The following MRAS variants were observed in gnomAD, a reference collection of about 807,000 sequenced individuals.
The protein encoded by MRAS is ras-related protein M-Ras.
In MRAS, 4 loss-of-function variants were observed where a neutral mutation model predicts 20.9. That is an observed-to-expected ratio of 0.19 (90% CI 0.09 to 0.44). MRAS has a LOEUF of 0.44. Among genes scored for constraint, MRAS ranks in the 20% least tolerant of loss-of-function variants. MRAS has a pLI of 0.99. For synonymous variants in MRAS, 98 were observed against 102.9 expected, an observed-to-expected ratio of 0.95 and a Z score of 0.29; for missense variants, 154 against 277.5, an observed-to-expected ratio of 0.56 and a Z score of 3.16.
intron 1 of MRAS, among the ~76,000 whole-genome samples, chr3:138,356,491 A>G (rs1560161154): frequency 6.6e-6 from 1 of 152,100 alleles, no homozygotes; most frequent in Non-Finnish European, 1.5e-5. Flanking sequence ...TAGATAACCC[A>G]CAAATTCATT....
rs2054161456 is a variant in MRAS at position 138,348,591 on chromosome 3, G to A, written c.-195G>A. On this transcript the variant is annotated 5_prime_UTR_variant, in exon 1 of 6. Transcript: ENST00000423968. ...GCGCTAGGCGCTCGGGGCGCACGCT[G>A]GCGGCGCGGTCGCTTTAAGGAGGCG... The A allele has an allele frequency of 1.3e-5, 2 of 151,880 alleles. No homozygotes were observed. Among genetic ancestry groups the A allele is most frequent in the Non-Finnish European group, 2.9e-5 (2 of 67,984 alleles). 9.4% of individuals were successfully genotyped at this position (151,880 alleles called of 1,614,324 possible).
chr3:138,398,676 G>C, intron 4 of MRAS, 108 bp downstream of exon 4: 1 of 935,058 alleles, frequency 1.1e-6, no homozygotes, highest in Non-Finnish European at 1.7e-6. Context: ...TTATTGAAGG[G>C]CTCCCCTTAG....
At position 138,397,553 on chromosome 3, in the gene MRAS, T is replaced by TC; in HGVS notation, c.347+76_347+77insC. 5 of 1,443,714 alleles carry TC rather than the reference T, an allele frequency of 3.5e-6. No homozygotes were observed. The African/African-American group carries it at 5.6e-5, about 16-fold the overall frequency. 89.4% of individuals were successfully genotyped at this position (1,443,714 alleles called of 1,614,324 possible). A position where few individuals can be genotyped will look rare whatever the true frequency, so the allele number is the denominator to read the frequency against. ...CCTAGGGCGCTCTCTCTCTCTCTCT[T>TC]TCTCTTTCTCTCTCTCTCACCCCTA... On this transcript the variant is annotated intron_variant, in intron 3 of 5. Transcript: ENST00000423968.
At chr3:138,398,761 A>G (rs184288012) in intron 4 of MRAS, among the ~76,000 whole-genome samples, 193 bp downstream of exon 4, 66 of 152,314 alleles carry the variant, frequency 4.3e-4, no homozygotes, top group African/African-American at 1.3e-3. Flanking sequence ...CGTCAATGGT[A>G]GAGACAGGTC....
Position 138,400,402 on chromosome 3 carries a change from T to C in MRAS, c.448-132T>C, listed in dbSNP as rs139169120. ...AAGCCCTAAATGATGCTTGAGGCTA[T>C]TGGGGGCTGGGGCTTCTGTGGGGGG... On this transcript the variant is annotated intron_variant, in intron 4 of 5. Transcript: ENST00000423968. The C allele has an allele frequency of 1.1e-4, 85 of 749,704 alleles. 1 individual carries two copies. The African/African-American group carries it at 1.3e-3, about 12-fold the overall frequency. The allele number at this position is 749,704 out of a possible 1,614,324, so 46.4% of individuals were successfully genotyped here. A position where few individuals can be genotyped will look rare whatever the true frequency, so the allele number is the denominator to read the frequency against.
chr3:138,395,435 C>T (rs1165411631), intron 2 of MRAS, among the ~76,000 whole-genome samples: 2 of 152,104 alleles, frequency 1.3e-5, no homozygotes, highest in Non-Finnish European at 2.9e-5. Context: ...CATCTGCCCC[C>T]ACCTCCTCTC....
chr3:138,394,259 A>G (rs997670061), intron 2 of MRAS, among the ~76,000 whole-genome samples: 2 of 152,136 alleles, frequency 1.3e-5, no homozygotes, highest in Non-Finnish European at 2.9e-5. Flanking sequence ...CAGAGCTGTA[A>G]GGACCTGCTG....
intron 2 of MRAS, among the ~76,000 whole-genome samples, chr3:138,379,086 C>G (rs1411884983): frequency 2.0e-5 from 3 of 152,108 alleles, no homozygotes; most frequent in Admixed American, 6.6e-5. Context: ...TTATTGTTAA[C>G]TATAATTTCC....
chr3:138,374,370 A>C, intron 2 of MRAS, among the ~76,000 whole-genome samples: 1 of 151,932 alleles, frequency 6.6e-6, no homozygotes, highest in East Asian at 1.9e-4. Flanking sequence ...TTTTTATTTC[A>C]ATTTTCAGTT....
intron 2 of MRAS, among the ~76,000 whole-genome samples, chr3:138,377,000 AT>A (rs1443814761): frequency 6.6e-6 from 1 of 152,160 alleles, no homozygotes; most frequent in African/African-American, 2.4e-5. Context: ...GTACCTTTGG[AT>A]GTTAAATTGG....
intron 2 of MRAS, among the ~76,000 whole-genome samples, chr3:138,396,565 C>T (rs971024090): frequency 2.6e-5 from 4 of 152,230 alleles, no homozygotes; most frequent in African/African-American, 4.8e-5. Flanking sequence ...CCCTGCCTAC[C>T]GAGCTTGTGG....
At chr3:138,358,704 T>C (rs755439200) in intron 1 of MRAS, among the ~76,000 whole-genome samples, 25 of 152,254 alleles carry the variant, frequency 1.6e-4, no homozygotes, top group Non-Finnish European at 3.7e-4. Flanking sequence ...ATGCATTACA[T>C]GTTTACGTCT....
At position 138,372,931 on chromosome 3, in the gene MRAS, G is replaced by A; in HGVS notation, c.48G>A (p.Leu16=). The A allele has an allele frequency of 1.3e-6, 2 of 1,555,238 alleles. No individual in the cohort carries two copies. Among genetic ancestry groups the A allele is most frequent in the Non-Finnish European group, 8.6e-7 (1 of 1,156,910 alleles). Residue 16 remains leucine, a synonymous_variant, in exon 2 of 6, where the codon CTG becomes CTA. Coordinates refer to ENST00000423968, the MANE Select transcript of MRAS (RefSeq NM_001085049.3). ...GTGACAACCTCCCCACATACAAGCTGGTGGTGGTGGGGGATGGGGGTGTGG... is the reference window on the plus strand; with the variant it reads ...GTGACAACCTCCCCACATACAAGCTAGTGGTGGTGGGGGATGGGGGTGTGG... ...VPSDNLPTYK[L]VVVGDGGVGK...
intron 2 of MRAS, among the ~76,000 whole-genome samples, chr3:138,384,466 G>A (rs2054969279): frequency 6.6e-6 from 1 of 152,204 alleles, no homozygotes; most frequent in Non-Finnish European, 1.5e-5. Context: ...GAGGTTATTA[G>A]AGAGGGAAGA....
chr3:138,392,388 GTTATTTAATGACAGGACATTGCT>G (rs1194266726), intron 2 of MRAS, among the ~76,000 whole-genome samples: 2 of 152,050 alleles, frequency 1.3e-5, no homozygotes, highest in Non-Finnish European at 2.9e-5. Context: ...TTTAAATTTT[GTTATTTAATGACAGGACATTGCT>G]TTTGGAGATA....
intron 1 of MRAS, among the ~76,000 whole-genome samples, chr3:138,353,940 G>A (rs1009482851): frequency 2.0e-5 from 3 of 152,344 alleles, no homozygotes; most frequent in Admixed American, 1.3e-4. Context: ...TGCTCCTTCC[G>A]TTAGACCGTG....
intron 1 of MRAS, among the ~76,000 whole-genome samples, chr3:138,370,772 T>C (rs1231908048): frequency 1.3e-5 from 2 of 152,238 alleles, no homozygotes; most frequent in African/African-American, 4.8e-5. Context: ...ATATAATGCA[T>C]GCTTGTTGTA....
intron 2 of MRAS, among the ~76,000 whole-genome samples, chr3:138,387,254 C>A (rs952341685): frequency 6.6e-6 from 1 of 152,238 alleles, no homozygotes; most frequent in Non-Finnish European, 1.5e-5. Context: ...TTTCTCTTCC[C>A]TGCCACCCAT....
chr3:138,390,390 T>C (rs76545163), intron 2 of MRAS, among the ~76,000 whole-genome samples: 2 of 152,096 alleles, frequency 1.3e-5, no homozygotes, highest in Non-Finnish European at 2.9e-5. Context: ...TTCTCCTTCC[T>C]CCTCCCCCAG....
Sources: allele counts gnomAD v4.1 joint callset (sites outside exome capture counted in the v4.1 genomes callset), GRCh38; gene constraint gnomAD v4.1.1; transcripts MANE v1.5; gene names NCBI Gene and HGNC (gene_info 2026-07-23, HGNC 2026-07-21).